GABRA3: variants seen among roughly 807,000 people sequenced by gnomAD.
GABRA3 encodes the protein gamma-aminobutyric acid type A receptor subunit alpha3, also known as gamma-aminobutyric acid receptor subunit alpha-3.
GABRA3 carries 10 observed loss-of-function variants against 30.1 expected under a neutral mutation model. That is an observed-to-expected ratio of 0.33 (90% CI 0.20 to 0.56). The LOEUF (loss-of-function observed/expected upper bound fraction) is 0.56, where lower values mean the gene tolerates loss of function less well. Among genes scored for constraint, GABRA3 ranks in the 20% least tolerant of loss-of-function variants. The probability of loss-of-function intolerance (pLI) is 0.89; values close to 1 mark genes in which losing one functional copy is unlikely to be tolerated. For synonymous variants in GABRA3, 151 were observed against 146.8 expected (o/e 1.03, Z -0.21); for missense variants, 233 against 392.0 (o/e 0.59, Z 3.42).
intron 3 of GABRA3, among the ~76,000 whole-genome samples, chrX:152,312,354 T>G (rs1033981680): frequency 2.7e-5 from 3 of 112,123 alleles, no homozygotes; most frequent in Admixed American, 9.5e-5. Context: ...CATGTGATAT[T>G]TGACAAAGTT....
At chrX:152,445,902 A>G (rs900211011) in intron 1 of GABRA3, among the ~76,000 whole-genome samples, 2 of 111,891 alleles carry the variant, frequency 1.8e-5, no homozygotes, top group Non-Finnish European at 3.8e-5. Flanking sequence ...CAAATTCTTC[A>G]TATTTTTTAT....
At chrX:152,298,848 A>AAAAG (rs1178133249) in intron 3 of GABRA3, among the ~76,000 whole-genome samples, 2 of 112,171 alleles carry the variant, frequency 1.8e-5, no homozygotes, top group Admixed American at 9.5e-5. Flanking sequence ...CCAACAGTAT[A>AAAAG]AAAGTGTTCC....
intron 2 of GABRA3, among the ~76,000 whole-genome samples, chrX:152,346,801 C>T (rs1556784263): frequency 9.0e-6 from 1 of 111,682 alleles, no homozygotes; most frequent in Admixed American, 9.5e-5. Flanking sequence ...TATCATCTCA[C>T]CCCAGATGAA....
At chrX:152,190,911 A>G (rs1286015136) in intron 8 of GABRA3, among the ~76,000 whole-genome samples, 1 of 109,050 alleles carries the variant, frequency 9.2e-6, no homozygotes, top group Non-Finnish European at 1.9e-5. Context: ...GATTAACGGT[A>G]TAAGCTTTAG....
chrX:152,205,316 A>T (rs1247487248), intron 7 of GABRA3, among the ~76,000 whole-genome samples: 4 of 109,872 alleles, frequency 3.6e-5, no homozygotes, highest in Non-Finnish European at 5.7e-5. Context: ...AATATGTATC[A>T]ATTTTTTTTA....
chrX:152,248,208 A>C (rs1938491788), intron 5 of GABRA3, among the ~76,000 whole-genome samples: 1 of 111,006 alleles, frequency 9.0e-6, no homozygotes, highest in Non-Finnish European at 1.9e-5. Flanking sequence ...TTCAATTTAA[A>C]AAAAAAAACT....
chrX:152,369,732 G>C (rs1928779875), intron 1 of GABRA3, among the ~76,000 whole-genome samples: 1 of 111,208 alleles, frequency 9.0e-6, no homozygotes, highest in Non-Finnish European at 1.9e-5. Flanking sequence ...CTTCCTTTGT[G>C]TCTAAAAGGA....
At chrX:152,310,805 G>A (rs773818350) in intron 3 of GABRA3, among the ~76,000 whole-genome samples, 1 of 110,696 alleles carries the variant, frequency 9.0e-6, no homozygotes, top group Admixed American at 9.6e-5. Flanking sequence ...AAGACTGAAA[G>A]ACCACTAATT....
At chrX:152,211,953 G>A (rs935614084) in intron 6 of GABRA3, among the ~76,000 whole-genome samples, 11 of 110,285 alleles carry the variant, frequency 1.0e-4, no homozygotes, top group African/African-American at 3.6e-4. Context: ...TATCACTGGA[G>A]TCACAGGCCA....
At chrX:152,403,389 A>C (rs1929841519) in intron 1 of GABRA3, among the ~76,000 whole-genome samples, 1 of 100,335 alleles carries the variant, frequency 1.0e-5, no homozygotes, top group Non-Finnish European at 2.0e-5. Context: ...AGAAATATAT[A>C]TAACAAAATA....
At chrX:152,294,662 G>T (rs915558678) in intron 3 of GABRA3, among the ~76,000 whole-genome samples, 5 of 111,399 alleles carry the variant, frequency 4.5e-5, no homozygotes, top group Non-Finnish European at 9.4e-5. Flanking sequence ...ATCCAGCTTT[G>T]TTCCATTGCT....
chrX:152,394,421 T>C (rs758745688), intron 1 of GABRA3: 5 of 386,955 alleles, frequency 1.3e-5, no homozygotes, highest in Admixed American at 5.1e-5. Context: ...GTAGACACCA[T>C]AGCACATGCT....
intron 6 of GABRA3, among the ~76,000 whole-genome samples, chrX:152,218,718 A>G (rs1395605049): frequency 9.0e-6 from 1 of 111,253 alleles, no homozygotes; most frequent in Non-Finnish European, 1.9e-5. Context: ...AAAATCTTCA[A>G]GGCTTCTACA....
chrX:152,448,445 C>T (rs768666037), intron 1 of GABRA3, among the ~76,000 whole-genome samples: 1 of 111,842 alleles, frequency 8.9e-6, no homozygotes, highest in Non-Finnish European at 1.9e-5. Flanking sequence ...ATCTCAACAT[C>T]TTACAGATGG....
intron 4 of GABRA3, among the ~76,000 whole-genome samples, chrX:152,259,302 A>C: frequency 9.0e-6 from 1 of 111,384 alleles, no homozygotes; most frequent in Non-Finnish European, 1.9e-5. Context: ...TCTAGGCCAC[A>C]AGGGCAGCAA....
chrX:152,338,901 T>TA (rs80128532), intron 3 of GABRA3, among the ~76,000 whole-genome samples: 24,909 of 111,091 alleles, frequency 0.22, 2,664 homozygotes, highest in African/African-American at 0.43. Context: ...TGTCAGTTTT[T>TA]TGCCAGTATG....
intron 9 of GABRA3, among the ~76,000 whole-genome samples, chrX:152,182,265 T>C (rs1937159520): frequency 9.6e-6 from 1 of 104,241 alleles, no homozygotes; most frequent in African/African-American, 3.5e-5. Flanking sequence ...TTTTTAAGTT[T>C]ATGATTTAAC....
intron 4 of GABRA3, among the ~76,000 whole-genome samples, chrX:152,269,492 A>C (rs771137345): frequency 7.5e-4 from 84 of 112,330 alleles, no homozygotes; most frequent in African/African-American, 2.6e-3. Context: ...ACGAATCCTA[A>C]AATTTATGTA....
At chrX:152,184,830 T>C (rs2124342186) in intron 9 of GABRA3, among the ~76,000 whole-genome samples, 1 of 111,637 alleles carries the variant, frequency 9.0e-6, no homozygotes, top group Non-Finnish European at 1.9e-5. Context: ...AAGGAAGCAG[T>C]GATAAAAACA....
Sources: gnomAD v4.1 joint callset for allele counts (sites outside exome capture counted in the v4.1 genomes callset) on GRCh38, gnomAD v4.1.1 for gene constraint, MANE v1.5 for transcripts, NCBI Gene and HGNC (gene_info 2026-07-23, HGNC 2026-07-21) for gene names.